MAN2B2: variants seen among roughly 807,000 people sequenced by gnomAD.
MAN2B2 encodes mannosidase alpha class 2B member 2, also known as epididymis-specific alpha-mannosidase.
A neutral mutation model predicts 117.1 loss-of-function variants in MAN2B2; 106 were observed. The ratio of observed to expected loss-of-function variants is 0.90; its 90% CI spans 0.77 to 1.06. MAN2B2 has a LOEUF of 1.06. MAN2B2 is among the 50% of genes least tolerant of loss of function. The pLI, the probability that MAN2B2 is intolerant of heterozygous loss-of-function variation, is 0.00. For missense variants in MAN2B2, 1,326 were observed against 1,381.4 expected (o/e 0.96, Z 0.64); for synonymous variants, 544 against 595.1 (o/e 0.91, Z 1.25).
intron 3 of MAN2B2, among the ~76,000 whole-genome samples, chr4:6,579,240 CCACCCTTCACCACCAT>C (rs1726279986): frequency 3.3e-5 from 1 of 30,370 alleles, no homozygotes; most frequent in Non-Finnish European, 7.5e-5. Flanking sequence ...ATCACCACCA[CCACCCTTCACCACCAT>C]CACCACCACC....
intron 5 of MAN2B2, among the ~76,000 whole-genome samples, chr4:6,590,960 C>A (rs1436158288): frequency 6.6e-6 from 1 of 152,158 alleles, no homozygotes; most frequent in Non-Finnish European, 1.5e-5. Context: ...ACCAGCCTGG[C>A]CAACCTGGTA....
chr4:6,600,567 C>G, intron 9 of MAN2B2, 56 bp from the exon 10 acceptor site: 1 of 1,597,282 alleles, frequency 6.3e-7, no homozygotes, highest in South Asian at 1.1e-5. Flanking sequence ...CCAGTGAGCA[C>G]CCCATTCCAG....
At position 6,610,927 on chromosome 4, in the gene MAN2B2, C is replaced by T; in HGVS notation, c.2307C>T (p.Ser769=). Residue 769 remains serine (S), a synonymous_variant, in exon 14 of 19, where the codon AGC becomes AGT. Coordinates refer to ENST00000285599, the MANE Select transcript of MAN2B2 (RefSeq NM_015274.3). The part of the protein sequence containing the change: ...VQSAFMEDGK[S]RLVLLSERAH... ...CGGCCTTCATGGAGGATGGCAAAAGCAGGCTTGTGTTGCTGTCGGAGCGGG... is the reference window on the plus strand; with the variant it reads ...CGGCCTTCATGGAGGATGGCAAAAGTAGGCTTGTGTTGCTGTCGGAGCGGG... 6.2e-7 allele frequency: 1 copy of T among 1,614,232 alleles called. No homozygotes were observed. Among genetic ancestry groups the T allele is most frequent in the Non-Finnish European group, 8.5e-7 (1 of 1,180,030 alleles).
intron 18 of MAN2B2, chr4:6,620,731 G>A (rs1577300337): frequency 6.1e-6 from 1 of 165,112 alleles, no homozygotes; most frequent in Admixed American, 6.1e-5. Context: ...GAAGGAAGAT[G>A]GATGAGTGAT....
At chr4:6,592,323 G>C (rs1726890771) in intron 5 of MAN2B2, among the ~76,000 whole-genome samples, 1 of 152,196 alleles carries the variant, frequency 6.6e-6, no homozygotes, top group African/African-American at 2.4e-5. Flanking sequence ...CAGGGAGCTT[G>C]GTGAGGCTAG....
chr4:6,581,962 C>A (rs1726444725), intron 3 of MAN2B2, among the ~76,000 whole-genome samples: 1 of 151,948 alleles, frequency 6.6e-6, no homozygotes, highest in African/African-American at 2.4e-5. Flanking sequence ...GGGCAGCGGC[C>A]CCCGGGGGTA....
rs185085325 is a variant in MAN2B2 at position 6,621,441 on chromosome 4, T to C, written c.*156T>C. The C allele has an allele frequency of 4.0e-5, 24 of 603,530 alleles. No individual in the cohort carries two copies. The East Asian group carries it at 6.6e-4, about 17-fold the overall frequency. 37.4% of individuals were successfully genotyped at this position (603,530 alleles called of 1,614,324 possible). On this transcript the variant is annotated 3_prime_UTR_variant, in exon 19 of 19. Transcript: ENST00000285599. ...AGGAAATGGTCATATTTGGGGTTTTTCCCTAATTTTTTTAAACAAAAATTA... is the reference window on the plus strand; with the variant it reads ...AGGAAATGGTCATATTTGGGGTTTTCCCCTAATTTTTTTAAACAAAAATTA...
intron 1 of MAN2B2, among the ~76,000 whole-genome samples, chr4:6,575,673 G>C (rs183379147): frequency 6.6e-6 from 1 of 152,228 alleles, no homozygotes; most frequent in Non-Finnish European, 1.5e-5. Flanking sequence ...TGGCTTCAGA[G>C]CAGGTGGATG....
chr4:6,611,254 G>A lies in MAN2B2; in HGVS notation c.2539G>A (p.Val847Met), dbSNP rs144309996. The change falls in exon 15 of 19, where the codon GTG becomes ATG. Residue 847 changes from valine (V) to methionine (M), a missense_variant. Transcript: ENST00000285599. ...CGCACTGGCGCTGCAGCACAGGCCC[G>A]TGGTGCTGTTCGGAGACCTCGCTGG... ...RSALALQHRP[V>M]VLFGDLAGTA... 329 of 1,610,064 alleles carry A rather than the reference G, an allele frequency of 2.0e-4. 2 individuals are homozygous for A. In the African/African-American group the frequency reaches 3.7e-3, roughly 18 times the overall value.
At chr4:6,614,095 A>G (rs2108757888) in intron 15 of MAN2B2, 123 bp from the exon 16 acceptor site, 1 of 1,234,510 alleles carries the variant, frequency 8.1e-7, no homozygotes, top group Non-Finnish European at 1.1e-6. Flanking sequence ...GGGGTAGGCT[A>G]CCCACAAGGA....
intron 3 of MAN2B2, among the ~76,000 whole-genome samples, chr4:6,579,343 T>C (rs867120856): frequency 0.018 from 512 of 28,120 alleles, 2 homozygotes; most frequent in African/African-American, 0.029. Context: ...ACCACCACCA[T>C]CACCATCACC....
At chr4:6,612,384 GGGA>G (rs1189202862) in intron 15 of MAN2B2, among the ~76,000 whole-genome samples, 1 of 152,208 alleles carries the variant, frequency 6.6e-6, no homozygotes, top group Non-Finnish European at 1.5e-5. Context: ...GACCACAGCT[GGGA>G]GGAGGTCAGG....
At chr4:6,578,609 G>A (rs766103151) in intron 3 of MAN2B2, 111 bp downstream of exon 3, 30 of 848,130 alleles carry the variant, frequency 3.5e-5, no homozygotes, top group East Asian at 8.1e-5. Context: ...TAGTGGGGTC[G>A]GGGACCTTAA....
At chr4:6,606,131 G>A (rs527893421) in intron 11 of MAN2B2, among the ~76,000 whole-genome samples, 1 of 152,310 alleles carries the variant, frequency 6.6e-6, no homozygotes, top group African/African-American at 2.4e-5. Flanking sequence ...AGAAAGTGAG[G>A]GGACAGGAAA....
At position 6,589,175 on chromosome 4, in the gene MAN2B2, G is replaced by C. The variant is rs187277833; in HGVS notation, c.680+15G>C. ...TTCTCCAACAGGTACGTGCCCTTCC[G>C]CAGTGCCTTTGGGATCTCAGACAGC... On this transcript the variant is annotated intron_variant, in intron 5 of 18. Transcript: ENST00000285599. The C allele has an allele frequency of 1.3e-6, 2 of 1,587,798 alleles. No individual in the cohort carries two copies. The highest frequency in any genetic ancestry group is 8.6e-7 in the Non-Finnish European group (1 of 1,156,080).
intron 8 of MAN2B2, 86 bp from the exon 9 acceptor site, chr4:6,598,112 G>A (rs2108746255): frequency 6.9e-7 from 1 of 1,458,624 alleles, no homozygotes; most frequent in Non-Finnish European, 9.4e-7. Flanking sequence ...GCCAGAATGA[G>A]AGCCAGCGCC....
At position 6,609,981 on chromosome 4, in the gene MAN2B2, C is replaced by T. The variant is rs1727704860; in HGVS notation, c.2190C>T (p.Tyr730=). The change falls in exon 13 of 19, where the codon TAC becomes TAT. Residue 730 remains tyrosine, a synonymous_variant. Transcript: ENST00000285599. ...ACCTAAACAGCCAGCAGGTCATCTA[C>T]TCAGACAACAACGGCTACCAGATGC... ...STNLNSQQVI[Y]SDNNGYQMQR... The T allele has an allele frequency of 6.2e-7, 1 of 1,614,200 alleles. No individual in the cohort carries two copies. Among genetic ancestry groups the T allele is most frequent in the Non-Finnish European group, 8.5e-7 (1 of 1,180,028 alleles).
chr4:6,601,522 G>C (rs1287787826), intron 10 of MAN2B2, among the ~76,000 whole-genome samples: 1 of 151,360 alleles, frequency 6.6e-6, no homozygotes, highest in Non-Finnish European at 1.5e-5. Context: ...AAAAAGAAAG[G>C]GTACAACTCA....
chr4:6,614,172 A>T (rs762070836), intron 15 of MAN2B2, 46 bp from the exon 16 acceptor site: 1 of 1,595,522 alleles, frequency 6.3e-7, no homozygotes, highest in Admixed American at 1.7e-5. Flanking sequence ...CAGGAGGAGG[A>T]GTTGAGCCCC....
Sources: gnomAD v4.1 joint callset for allele counts (sites outside exome capture counted in the v4.1 genomes callset) on GRCh38, gnomAD v4.1.1 for gene constraint, MANE v1.5 for transcripts, NCBI Gene and HGNC (gene_info 2026-07-23, HGNC 2026-07-21) for gene names.